Variants in MEF2A observed in about 807,000 individuals in gnomAD.
The protein encoded by MEF2A is myocyte enhancer factor 2A, also known as myocyte-specific enhancer factor 2A.
MEF2A carries 28 observed loss-of-function variants against 55.8 expected under a neutral mutation model. The ratio of observed to expected loss-of-function variants is 0.50; its 90% CI spans 0.37 to 0.69. The LOEUF (loss-of-function observed/expected upper bound fraction) is 0.69, where lower values mean the gene tolerates loss of function less well. Ranked by LOEUF, MEF2A falls within the 30% of genes least tolerant of loss-of-function variation. The pLI is 0.00. For missense variants in MEF2A, 528 were observed against 626.2 expected (o/e 0.84, Z 1.67); for synonymous variants, 239 against 227.1 (o/e 1.05, Z -0.47).
chr15:99,601,510 G>GTTTTTTT (rs34835966), intron 2 of MEF2A, among the ~76,000 whole-genome samples: 3 of 113,868 alleles, frequency 2.6e-5, no homozygotes, highest in Admixed American at 8.9e-5. Flanking sequence ...CTTGGTCAGA[G>GTTTTTTT]TTTTTTTTTT....
At chr15:99,679,617 C>T (rs528331044) in intron 7 of MEF2A, among the ~76,000 whole-genome samples, 9 of 152,222 alleles carry the variant, frequency 5.9e-5, no homozygotes, top group South Asian at 2.1e-4. Flanking sequence ...GTGGGACTCT[C>T]GGAATATTTT....
At chr15:99,574,797 CG>C (rs1963730417) in intron 1 of MEF2A, among the ~76,000 whole-genome samples, 1 of 152,116 alleles carries the variant, frequency 6.6e-6, no homozygotes, top group African/African-American at 2.4e-5. Context: ...TCTATGGCCC[CG>C]GGGTGGGGAC....
At position 99,716,418 on chromosome 15, in the gene MEF2A, A is replaced by G. The variant is rs769332815; in HGVS notation, c.*3647A>G. The G allele has an allele frequency of 4.4e-5, 19 of 435,136 alleles. No homozygotes were observed. The highest frequency in any genetic ancestry group is 2.5e-4 in the Admixed American group (10 of 40,702). The allele number at this position is 435,136 out of a possible 1,614,324, so 27.0% of individuals were successfully genotyped here. On this transcript the variant is annotated 3_prime_UTR_variant, in exon 12 of 12. Transcript: ENST00000557942. ...AACTTTTTATCAAATGGTGAAGACA[A>G]TGCTAAAGGTTGTTGTAAACTGTTT...
chr15:99,672,841 A>G lies in MEF2A; in HGVS notation c.390+1387A>G, dbSNP rs888417332. 6.6e-5 allele frequency among the ~76,000 whole-genome samples: 10 copies of G among 152,302 alleles called. No homozygotes were observed. In the South Asian group the frequency reaches 2.1e-3, roughly 32 times the overall value. ...TACAATATTTTTCATAATTTTGTAC[A>G]TGAAACAAGGTTTGTGTACATGGAA... On this transcript the variant is annotated intron_variant, in intron 5 of 11. Transcript: ENST00000557942.
intron 8 of MEF2A, among the ~76,000 whole-genome samples, chr15:99,699,144 T>C (rs1259748143): frequency 2.6e-5 from 4 of 152,154 alleles, no homozygotes; most frequent in African/African-American, 9.7e-5. Context: ...AAACTATACT[T>C]ATAAGAAACC....
intron 1 of MEF2A, among the ~76,000 whole-genome samples, chr15:99,572,693 T>C (rs1962835514): frequency 6.6e-6 from 1 of 152,244 alleles, no homozygotes; most frequent in Non-Finnish European, 1.5e-5. Flanking sequence ...GAACTACTTA[T>C]CCTTTAAGTC....
At chr15:99,582,618 A>C (rs1361567433) in intron 1 of MEF2A, among the ~76,000 whole-genome samples, 1 of 151,994 alleles carries the variant, frequency 6.6e-6, no homozygotes, top group Admixed American at 6.6e-5. Context: ...AATCCTTTAC[A>C]TTGCTGTCTT....
rs1322537233 is a variant in MEF2A, at chr15:99,585,371, A to G, written c.-224-13059A>G. The stretch of plus-strand genomic sequence containing the variant: ...TGTGTATAATCACTTTCTTCCTTAA[A>G]TGCTTGCTTGTGTGAAATTTTACTG... On this transcript the variant is annotated intron_variant, in intron 1 of 11. Coordinates refer to ENST00000557942, the MANE Select transcript of MEF2A (RefSeq NM_001319206.4). Among the ~76,000 whole-genome samples, 9 of 152,088 alleles carry G rather than the reference A, an allele frequency of 5.9e-5. No homozygotes were observed. The South Asian group carries it at 1.7e-3, about 28-fold the overall frequency.
chr15:99,610,500 A>G (rs1030981481), intron 2 of MEF2A, among the ~76,000 whole-genome samples: 6 of 145,452 alleles, frequency 4.1e-5, no homozygotes, highest in South Asian at 2.2e-4. Context: ...AGCCAAAACA[A>G]TCTTTAAAAA....
chr15:99,666,264 AAAG>A (rs1381763272), intron 4 of MEF2A, among the ~76,000 whole-genome samples: 1 of 152,198 alleles, frequency 6.6e-6, no homozygotes, highest in African/African-American at 2.4e-5. Flanking sequence ...GCCATAAAAA[AAAG>A]AATGAGTTCA....
At chr15:99,577,722 G>T (rs560732461) in intron 1 of MEF2A, among the ~76,000 whole-genome samples, 1 of 152,056 alleles carries the variant, frequency 6.6e-6, no homozygotes, top group Non-Finnish European at 1.5e-5. Context: ...ATCCCACATT[G>T]CATTTATTTG....
At chr15:99,695,570 T>TGTGTGTGTGTGTGTGTGTG (rs200260929) in intron 8 of MEF2A, among the ~76,000 whole-genome samples, 27 of 151,734 alleles carry the variant, frequency 1.8e-4, no homozygotes, top group East Asian at 3.9e-4. Context: ...TGTGTGTGTG[T>TGTGTGTGTGTGTGTGTGTG]TTCTTAAAAA....
chr15:99,622,086 T>C (rs1388748293), intron 2 of MEF2A, among the ~76,000 whole-genome samples: 2 of 152,360 alleles, frequency 1.3e-5, no homozygotes, highest in Admixed American at 1.3e-4. Context: ...AGTATTAGTA[T>C]TAAATTGGTC....
chr15:99,667,682 A>G (rs990553501), intron 4 of MEF2A, among the ~76,000 whole-genome samples: 1 of 152,176 alleles, frequency 6.6e-6, no homozygotes, highest in Admixed American at 6.5e-5. Context: ...AATTTGCTTC[A>G]TAAATACAAA....
At chr15:99,580,560 T>C (rs1965635893) in intron 1 of MEF2A, among the ~76,000 whole-genome samples, 2 of 152,364 alleles carry the variant, frequency 1.3e-5, no homozygotes, top group Non-Finnish European at 2.9e-5. Flanking sequence ...ATGCCCTTAC[T>C]TCATTCTGAT....
In MEF2A at chr15:99,665,937, A is replaced by G. The variant is rs573114758; in HGVS notation, c.259-5386A>G. Reference sequence around the variant, plus strand: ...GTGATCATTAAAAAGTCAGGAAACAACAGGTGCTAGAGAGGATGTGGAGAA... The same window carrying G: ...GTGATCATTAAAAAGTCAGGAAACAGCAGGTGCTAGAGAGGATGTGGAGAA... On this transcript the variant is annotated intron_variant, in intron 4 of 11. Coordinates refer to ENST00000557942, the MANE Select transcript of MEF2A (RefSeq NM_001319206.4). Among the ~76,000 whole-genome samples the G allele has an allele frequency of 6.6e-5, 10 of 152,292 alleles. No individual in the cohort carries two copies. In the South Asian group the frequency reaches 2.1e-3, roughly 32 times the overall value.
At chr15:99,690,521 T>C (rs1221306866) in intron 8 of MEF2A, 93 bp downstream of exon 8, 2 of 955,622 alleles carry the variant, frequency 2.1e-6, no homozygotes, top group Non-Finnish European at 1.6e-6. Context: ...TGTGCCACCG[T>C]AGAATCTACA....
At chr15:99,650,530 T>C (rs2046687163) in intron 4 of MEF2A, among the ~76,000 whole-genome samples, 1 of 152,222 alleles carries the variant, frequency 6.6e-6, no homozygotes, top group Non-Finnish European at 1.5e-5. Flanking sequence ...TTATTTCACA[T>C]TGAGGCAATG....
chr15:99,610,255 A>G (rs1976667402), intron 2 of MEF2A, among the ~76,000 whole-genome samples: 1 of 152,170 alleles, frequency 6.6e-6, no homozygotes, highest in African/African-American at 2.4e-5. Context: ...TGAAAACTAC[A>G]AAGTATCATT....
Sources: allele counts gnomAD v4.1 joint callset (sites outside exome capture counted in the v4.1 genomes callset), GRCh38; gene constraint gnomAD v4.1.1; transcripts MANE v1.5; gene names NCBI Gene and HGNC (gene_info 2026-07-23, HGNC 2026-07-21).